ATRX: variants seen among roughly 807,000 people sequenced by gnomAD.
ATRX encodes the protein ATRX chromatin remodeler, also known as chromatin remodeler ATRX.
Under a neutral mutation model 172.6 loss-of-function variants are expected in ATRX, and 12 were observed. The observed-to-expected ratio is 0.07, with a 90% confidence interval of 0.04 to 0.11. ATRX has a LOEUF of 0.11. Among genes scored for constraint, ATRX ranks in the 10% least tolerant of loss-of-function variants. The pLI is 1.00. For synonymous variants in ATRX, 674 were observed against 594.7 expected, an observed-to-expected ratio of 1.13 and a Z score of -1.94; for missense variants, 1,368 against 1,767.4, an observed-to-expected ratio of 0.77 and a Z score of 4.05.
At chrX:77,774,698 T>C (rs1432676281) in intron 1 of ATRX, among the ~76,000 whole-genome samples, 2 of 110,750 alleles carry the variant, frequency 1.8e-5, no homozygotes, top group East Asian at 5.7e-4. Flanking sequence ...AATGGTATTG[T>C]ATCAATGCTA....
At chrX:77,713,202 C>A (rs782039328) in intron 2 of ATRX, among the ~76,000 whole-genome samples, 17 of 111,684 alleles carry the variant, frequency 1.5e-4, no homozygotes, top group Non-Finnish European at 2.4e-4. Flanking sequence ...AACCAGGTTT[C>A]TTTCTGTTGG....
In ATRX at chrX:77,600,672, G is replaced by C. The variant is rs1057434887; in HGVS notation, c.5567-108C>G. The stretch of plus-strand genomic sequence containing the variant: ...TGACATAAACACTTTTGGCAGTGTA[G>C]AGAAGCTTATAAATTCTCTTGGAAT... On this transcript the variant is annotated intron_variant, in intron 22 of 34. Coordinates refer to ENST00000373344, the MANE Select transcript of ATRX (RefSeq NM_000489.6). 8.1e-6 allele frequency: 7 copies of C among 861,114 alleles called. No homozygotes were observed. The African/African-American group carries it at 1.2e-4, about 15-fold the overall frequency. 71.0% of individuals were successfully genotyped at this position (861,114 alleles called of 1,213,427 possible).
At chrX:77,780,931 C>T (rs1557205251) in intron 1 of ATRX, among the ~76,000 whole-genome samples, 2 of 110,184 alleles carry the variant, frequency 1.8e-5, no homozygotes, top group Admixed American at 9.7e-5. Context: ...ACAGTGAGAC[C>T]TTGTCCCAAA....
chrX:77,692,017 A>G (rs2071918498), intron 6 of ATRX, among the ~76,000 whole-genome samples: 1 of 111,870 alleles, frequency 8.9e-6, no homozygotes, highest in Admixed American at 9.5e-5. Context: ...ATCAGCTGAG[A>G]CCAAATGTCA....
At chrX:77,654,517 A>G (rs1467972604) in intron 13 of ATRX, among the ~76,000 whole-genome samples, 1 of 111,778 alleles carries the variant, frequency 8.9e-6, no homozygotes, top group East Asian at 2.8e-4. Context: ...TCACTAAAAA[A>G]AAGCAGATTA....
chrX:77,643,949 T>C (rs2148400554), intron 15 of ATRX, among the ~76,000 whole-genome samples: 1 of 110,702 alleles, frequency 9.0e-6, no homozygotes, highest in Non-Finnish European at 1.9e-5. Flanking sequence ...AAGCCTTCTT[T>C]TATTTTTTGA....
At chrX:77,747,515 C>A (rs975791291) in intron 1 of ATRX, among the ~76,000 whole-genome samples, 3 of 111,325 alleles carry the variant, frequency 2.7e-5, no homozygotes, top group Non-Finnish European at 5.7e-5. Context: ...TAGAGTGAGA[C>A]TGTCTCAAAA....
chrX:77,724,782 A>T (rs2073952799), intron 1 of ATRX, among the ~76,000 whole-genome samples: 1 of 111,563 alleles, frequency 9.0e-6, no homozygotes, highest in Non-Finnish European at 1.9e-5. Context: ...GACTACTTAG[A>T]AGGAAAGCAT....
intron 3 of ATRX, among the ~76,000 whole-genome samples, 198 bp downstream of exon 3, chrX:77,698,376 T>C (rs1188907758): frequency 1.8e-5 from 2 of 111,703 alleles, no homozygotes; most frequent in Non-Finnish European, 3.8e-5. Flanking sequence ...TGACTTTAGG[T>C]AAACCACTGA....
chrX:77,537,013 AG>A (rs1225417658), intron 30 of ATRX, among the ~76,000 whole-genome samples: 1 of 112,010 alleles, frequency 8.9e-6, no homozygotes, highest in African/African-American at 3.2e-5. Context: ...AGTAGCTACA[AG>A]CCACATGTGA....
intron 15 of ATRX, among the ~76,000 whole-genome samples, chrX:77,644,488 C>T (rs1053486253): frequency 3.9e-4 from 43 of 111,630 alleles, no homozygotes; most frequent in African/African-American, 1.3e-3. Flanking sequence ...AAAAATCACA[C>T]GAGTTGATGG....
chrX:77,729,459 AG>A (rs1360041553), intron 1 of ATRX, among the ~76,000 whole-genome samples: 66 of 112,306 alleles, frequency 5.9e-4, no homozygotes, highest in African/African-American at 2.1e-3. Flanking sequence ...ATGCAGGAAA[AG>A]TTTTATTTTC....
At chrX:77,700,237 T>A (rs540552386) in intron 2 of ATRX, among the ~76,000 whole-genome samples, 1 of 111,434 alleles carries the variant, frequency 9.0e-6, no homozygotes, top group Non-Finnish European at 1.9e-5. Context: ...AATAAGCACA[T>A]GAAAAAATGC....
chrX:77,709,813 T>C (rs997368351), intron 2 of ATRX, among the ~76,000 whole-genome samples: 9 of 110,628 alleles, frequency 8.1e-5, no homozygotes, highest in Non-Finnish European at 1.7e-4. Flanking sequence ...AAATGTAGTT[T>C]AATTAATTTA....
At chrX:77,651,783 C>G (rs2069255682) in intron 15 of ATRX, among the ~76,000 whole-genome samples, 1 of 111,570 alleles carries the variant, frequency 9.0e-6, no homozygotes, top group Non-Finnish European at 1.9e-5. Flanking sequence ...CACATGAACC[C>G]AGGAGGCAAA....
At chrX:77,598,248 T>C (rs1168560844) in intron 25 of ATRX, among the ~76,000 whole-genome samples, 14 of 109,988 alleles carry the variant, frequency 1.3e-4, no homozygotes, top group Non-Finnish European at 7.6e-5. Flanking sequence ...TACACATGGA[T>C]ATAAAGAGGA....
intron 15 of ATRX, among the ~76,000 whole-genome samples, chrX:77,650,559 C>A (rs2069161411): frequency 9.0e-6 from 1 of 111,144 alleles, no homozygotes; most frequent in Non-Finnish European, 1.9e-5. Context: ...ATGCAGATGG[C>A]CCTTGTTAAG....
intron 1 of ATRX, among the ~76,000 whole-genome samples, chrX:77,755,759 G>A (rs180695565): frequency 7.2e-5 from 8 of 111,628 alleles, no homozygotes; most frequent in Non-Finnish European, 1.5e-4. Flanking sequence ...CCTGTGTGAC[G>A]TGTCTGTCAA....
At chrX:77,628,358 T>C (rs1723825297) in intron 19 of ATRX, among the ~76,000 whole-genome samples, 1 of 112,526 alleles carries the variant, frequency 8.9e-6, no homozygotes, top group African/African-American at 3.2e-5. Context: ...TTTAAGTACA[T>C]TAAGTAGAAA....
Sources: allele counts gnomAD v4.1 joint callset (sites outside exome capture counted in the v4.1 genomes callset), GRCh38; gene constraint gnomAD v4.1.1; transcripts MANE v1.5; gene names NCBI Gene and HGNC (gene_info 2026-07-23, HGNC 2026-07-21).